Variants in DDX55 observed in about 807,000 individuals in gnomAD.
The protein encoded by DDX55 is DEAD-box helicase 55.
In DDX55, 56 loss-of-function variants were observed where a neutral mutation model predicts 69.2. The ratio of observed to expected loss-of-function variants is 0.81; its 90% CI spans 0.65 to 1.01. DDX55 has a LOEUF of 1.01. DDX55 is among the 50% of genes least tolerant of loss of function. The pLI is 0.00. For synonymous variants in DDX55, 268 were observed against 273.1 expected (o/e 0.98, Z 0.18); for missense variants, 720 against 745.1 (o/e 0.97, Z 0.39).
Position 123,617,852 on chromosome 12 carries a change from T to A in DDX55, c.1144T>A (p.Phe382Ile). Residue 382 changes from phenylalanine (F) to isoleucine (I), a missense_variant, in exon 11 of 14, where the codon TTC becomes ATC. Physicochemically the swap from Phe to Ile is conservative, Grantham distance 21 (BLOSUM62 0). Transcript: ENST00000238146. Reference sequence around the variant, plus strand: ...GCCCATGGAAGAGTCATACATCAATTTCCTTGCAATTAACCAAAAAGTAAG... The same window carrying A: ...GCCCATGGAAGAGTCATACATCAATATCCTTGCAATTAACCAAAAAGTAAG... ...LLPMEESYIN[F>I]LAINQKCPLQ... The A allele has an allele frequency of 6.2e-7, 1 of 1,614,120 alleles. No individual in the cohort carries two copies. Among genetic ancestry groups the A allele is most frequent in the Non-Finnish European group, 8.5e-7 (1 of 1,180,026 alleles).
intron 8 of DDX55, among the ~76,000 whole-genome samples, 176 bp downstream of exon 8, chr12:123,613,428 C>T (rs575280431): frequency 1.2e-4 from 19 of 152,194 alleles, no homozygotes; most frequent in Admixed American, 2.6e-4. Context: ...ATTTTTCTCC[C>T]GTAAAAAGTC....
At chr12:123,618,897 G>A in intron 12 of DDX55, 60 bp downstream of exon 12, 2 of 1,580,128 alleles carry the variant, frequency 1.3e-6, no homozygotes, top group Non-Finnish European at 8.6e-7. Flanking sequence ...GGTCTTACAA[G>A]TATGAGATTG....
At chr12:123,619,762 G>A in intron 13 of DDX55, 38 bp downstream of exon 13, 1 of 1,542,116 alleles carries the variant, frequency 6.5e-7, no homozygotes, top group East Asian at 2.2e-5. Flanking sequence ...TTAGAATCTT[G>A]AACAAATTTA....
intron 6 of DDX55, among the ~76,000 whole-genome samples, chr12:123,609,545 T>A (rs12809853): frequency 0.2 from 30,449 of 151,566 alleles, 3,490 homozygotes; most frequent in Middle Eastern, 0.29. Flanking sequence ...TTTTTTTTTT[T>A]AATTTTTGGC....
chr12:123,603,392 C>CT (rs11438746), intron 1 of DDX55, among the ~76,000 whole-genome samples: 2,282 of 128,518 alleles, frequency 0.018, 63 homozygotes, highest in African/African-American at 0.044. Flanking sequence ...GGTTTTTATT[C>CT]TTTTTTTTTT....
chr12:123,605,773 G>T, intron 1 of DDX55, 158 bp from the exon 2 acceptor site: 1 of 972,276 alleles, frequency 1.0e-6, no homozygotes, highest in South Asian at 1.3e-5. Context: ...CAGTTGCCAC[G>T]TTTGATTCAA....
chr12:123,618,420 T>C (rs772805835), intron 11 of DDX55: 10 of 1,099,462 alleles, frequency 9.1e-6, no homozygotes, highest in Middle Eastern at 2.0e-4. Context: ...TTCTTGTGAA[T>C]AGAGACCCAG....
chr12:123,607,851 T>G, intron 5 of DDX55, 189 bp downstream of exon 5: 1 of 701,388 alleles, frequency 1.4e-6, no homozygotes. Flanking sequence ...TGATGAGAAC[T>G]TCACAAACTC....
In DDX55 at chr12:123,610,126, A is replaced by G; in HGVS notation, c.739A>G (p.Met247Val). 1 of 1,613,060 alleles carries G rather than the reference A, an allele frequency of 6.2e-7. No homozygotes were observed. The highest frequency in any genetic ancestry group is 8.5e-7 in the Non-Finnish European group (1 of 1,179,712). Reference sequence around the variant, plus strand: ...CCCCTCCCGCCTGGAAAACTACTACATGGTAAGCGCCTGGGCTTGCTTCTT... The same window carrying G: ...CCCCTCCCGCCTGGAAAACTACTACGTGGTAAGCGCCTGGGCTTGCTTCTT... ...KTPSRLENYY[M>V]VCKADEKFNQ... Residue 247 changes from methionine (M) to valine (V), a missense_variant and splice_region_variant, in exon 7 of 14, where the codon ATG becomes GTG. Physicochemically the swap from Met to Val is conservative, Grantham distance 21. Transcript: ENST00000238146.
rs1566211397 is a variant in DDX55 at position 123,620,612 on chromosome 12, ATATATATATATATAT to A, written c.*473_*487del. The A allele has an allele frequency of 2.0e-4, 15 of 75,018 alleles. No homozygotes were observed. The highest frequency in any genetic ancestry group is 5.5e-4 in the African/African-American group (12 of 22,018). The allele number at this position is 75,018 out of a possible 1,614,324, so 4.6% of individuals were successfully genotyped here. A position where few individuals can be genotyped will look rare whatever the true frequency, so the allele number is the denominator to read the frequency against. On this transcript the variant is annotated 3_prime_UTR_variant, in exon 14 of 14. Coordinates refer to ENST00000238146, the MANE Select transcript of DDX55 (RefSeq NM_020936.3). ...TATATATATATATATATATATATAT[ATATATATATATATAT>A]AAGCTCTTTTTTCTGAGGCTATTTT...
intron 1 of DDX55, 182 bp from the exon 2 acceptor site, chr12:123,605,749 C>T (rs1197700235): frequency 1.2e-5 from 9 of 777,062 alleles, no homozygotes; most frequent in South Asian, 5.8e-5. Context: ...CCCCACACGC[C>T]GTCCACATAG....
chr12:123,608,760 G>A lies in DDX55; in HGVS notation c.482G>A (p.Cys161Tyr), dbSNP rs780054220. 1.2e-6 allele frequency: 2 copies of A among 1,614,186 alleles called. No homozygotes were observed. Among genetic ancestry groups the A allele is most frequent in the Admixed American group, 1.7e-5 (1 of 60,030 alleles). The change falls in exon 6 of 14, where the codon TGT (cysteine) becomes TAT (tyrosine). Residue 161 changes from cysteine (C) to tyrosine (Y), a missense_variant. Cys to Tyr is a radical substitution (Grantham distance 194). Transcript: ENST00000238146. ...RKAEGLDLAS[C>Y]VRSLDVLVLD... is the part of the protein sequence containing the mutation. Reference sequence around the variant, plus strand: ...GCCGAAGGCTTGGATCTGGCCAGCTGTGTGCGATCCCTGGATGTCCTGGTG... The same window carrying A: ...GCCGAAGGCTTGGATCTGGCCAGCTATGTGCGATCCCTGGATGTCCTGGTG...
Position 123,615,187 on chromosome 12 carries a change from C to G in DDX55, c.827C>G (p.Thr276Ser), listed in dbSNP as rs769381487. The change falls in exon 9 of 14, where the codon ACC becomes AGC. Residue 276 changes from threonine to serine, a missense_variant and splice_region_variant. Transcript: ENST00000238146. ...KQEKHLVFFS[T>S]CACVEYYGKA... Reference sequence around the variant, plus strand: ...TAAGCCCTCTGTCCCTCTTGCAGCACCTGTGCCTGTGTGGAATACTATGGG... The same window carrying G: ...TAAGCCCTCTGTCCCTCTTGCAGCAGCTGTGCCTGTGTGGAATACTATGGG... The G allele has an allele frequency of 6.2e-7, 1 of 1,613,850 alleles. No individual in the cohort carries two copies. Among genetic ancestry groups the G allele is most frequent in the Non-Finnish European group, 8.5e-7 (1 of 1,179,932 alleles).
rs376646641 is a variant in DDX55, at chr12:123,618,797, T to G, written c.1293T>G (p.Ala431=). Reference sequence around the variant, plus strand: ...AAGCTTTTGTGTCATATGTCCAAGCTTATGCAAAGCATGAATGCAACCTGA... The same window carrying G: ...AAGCTTTTGTGTCATATGTCCAAGCGTATGCAAAGCATGAATGCAACCTGA... ...GMKAFVSYVQ[A]YAKHECNLIF... is the part of the protein sequence containing the mutation. The change falls in exon 12 of 14, where the codon GCT becomes GCG. Residue 431 remains alanine (A), a synonymous_variant. Transcript: ENST00000238146. 1 of 1,614,220 alleles carries G rather than the reference T, an allele frequency of 6.2e-7. No individual in the cohort carries two copies. The highest frequency in any genetic ancestry group is 8.5e-7 in the Non-Finnish European group (1 of 1,180,042).
intron 9 of DDX55, 110 bp from the exon 10 acceptor site, chr12:123,616,401 T>A: frequency 1.1e-6 from 1 of 891,238 alleles, no homozygotes; most frequent in Non-Finnish European, 1.8e-6. Flanking sequence ...CATTTGCTTC[T>A]GTGAGAAGCT....
rs750636580 is a variant in DDX55, at chr12:123,602,103, A to C, written c.-46A>C. On this transcript the variant is annotated 5_prime_UTR_variant, in exon 1 of 14. Coordinates refer to ENST00000238146, the MANE Select transcript of DDX55 (RefSeq NM_020936.3). Reference sequence around the variant, plus strand: ...GCGGAAGTGCTCGTTGGGGGTGCACAAGGCGCGTTCGAGCAGCGGCGACCG... The same window carrying C: ...GCGGAAGTGCTCGTTGGGGGTGCACCAGGCGCGTTCGAGCAGCGGCGACCG... 1.3e-6 allele frequency: 2 copies of C among 1,499,796 alleles called. No homozygotes were observed. Among genetic ancestry groups the C allele is most frequent in the Admixed American group, 2.0e-5 (1 of 50,076 alleles). The allele number at this position is 1,499,796 out of a possible 1,614,324, so 92.9% of individuals were successfully genotyped here.
chr12:123,609,087 G>A (rs1954056891), intron 6 of DDX55, among the ~76,000 whole-genome samples: 1 of 151,982 alleles, frequency 6.6e-6, no homozygotes, highest in Non-Finnish European at 1.5e-5. Flanking sequence ...CCGGGTAGCT[G>A]GGATTACAGG....
At chr12:123,610,756 C>T (rs1348145958) in intron 7 of DDX55, among the ~76,000 whole-genome samples, 33 of 150,984 alleles carry the variant, frequency 2.2e-4, no homozygotes, top group Admixed American at 7.9e-4. Context: ...GGACTACAGG[C>T]GCCCGCCACC....
chr12:123,619,176 G>T (rs201718428), intron 12 of DDX55, among the ~76,000 whole-genome samples: 1 of 152,118 alleles, frequency 6.6e-6, no homozygotes, highest in Non-Finnish European at 1.5e-5. Flanking sequence ...CTAATTTTTT[G>T]TATTTTTTAG....
Sources: gnomAD v4.1 joint callset for allele counts (sites outside exome capture counted in the v4.1 genomes callset) on GRCh38, gnomAD v4.1.1 for gene constraint, MANE v1.5 for transcripts, NCBI Gene and HGNC (gene_info 2026-07-23, HGNC 2026-07-21) for gene names.